Variants in NOSTRIN observed in about 807,000 individuals in gnomAD.
NOSTRIN encodes nitric oxide synthase trafficking, also known as BM247 homolog.
In NOSTRIN, 63 loss-of-function variants were observed where a neutral mutation model predicts 59.0. That is an observed-to-expected ratio of 1.07 (90% confidence interval 0.87 to 1.32). The LOEUF (loss-of-function observed/expected upper bound fraction) is 1.32, where lower values mean the gene tolerates loss of function less well. NOSTRIN is among the 40% of genes most tolerant of loss of function. The pLI, the probability that NOSTRIN is intolerant of heterozygous loss-of-function variation, is 0.00. For synonymous variants in NOSTRIN, 200 were observed against 165.4 expected (o/e 1.21, Z -1.61); for missense variants, 512 against 473.1 (o/e 1.08, Z -0.76).
upstream of NOSTRIN, among the ~76,000 whole-genome samples, chr2:168,793,916 C>A (rs1173482519): frequency 1.3e-5 from 2 of 152,186 alleles, no homozygotes; most frequent in Non-Finnish European, 2.9e-5. Flanking sequence ...CTATCTCTTA[C>A]CAGCATTTTC....
intron 2 of NOSTRIN, among the ~76,000 whole-genome samples, chr2:168,812,527 C>G (rs1017212508): frequency 3.3e-5 from 5 of 152,160 alleles, no homozygotes; most frequent in Non-Finnish European, 1.5e-5. Context: ...TTAATACATG[C>G]TATACCCATC....
intron 8 of NOSTRIN, among the ~76,000 whole-genome samples, chr2:168,846,194 G>T (rs887737683): frequency 6.6e-6 from 1 of 152,130 alleles, no homozygotes; most frequent in Non-Finnish European, 1.5e-5. Context: ...TGGCACTCAA[G>T]TGTCAAATGT....
chr2:168,826,157 G>A (rs1236629611), intron 3 of NOSTRIN, among the ~76,000 whole-genome samples: 11 of 152,160 alleles, frequency 7.2e-5, no homozygotes, highest in Admixed American at 7.2e-4. Context: ...AGAGTACCTG[G>A]CAGGGAACGA....
chr2:168,843,575 CACAT>C (rs1688222329), intron 8 of NOSTRIN, among the ~76,000 whole-genome samples: 1 of 151,878 alleles, frequency 6.6e-6, no homozygotes, highest in African/African-American at 2.4e-5. Flanking sequence ...CAAAAGTAGA[CACAT>C]AAAGAAGGAA....
chr2:168,795,949 AC>A (rs1178975957), upstream of NOSTRIN, among the ~76,000 whole-genome samples: 2 of 152,204 alleles, frequency 1.3e-5, no homozygotes, highest in African/African-American at 4.8e-5. Context: ...AAAGGCCGAA[AC>A]CCTTAAAAAA....
chr2:168,856,868 C>A, intron 12 of NOSTRIN, 90 bp downstream of exon 12: 1 of 1,208,952 alleles, frequency 8.3e-7, no homozygotes, highest in Non-Finnish European at 1.2e-6. Flanking sequence ...GCCTTGTTTG[C>A]CTTTCCTTTC....
chr2:168,855,468 A>G lies in NOSTRIN; in HGVS notation c.964+8A>G. 1 of 1,523,922 alleles carries G rather than the reference A, an allele frequency of 6.6e-7. No individual in the cohort carries two copies. Among genetic ancestry groups the G allele is most frequent in the Non-Finnish European group, 9.1e-7 (1 of 1,101,666 alleles). The allele number at this position is 1,523,922 out of a possible 1,614,324, so 94.4% of individuals were successfully genotyped here. A position where few individuals can be genotyped will look rare whatever the true frequency, so the allele number is the denominator to read the frequency against. ...CCTCAAAAGACAAGGAAGGTGTGTA[A>G]CCATCTCTTTGAATGGCCAGAAAAG... On this transcript the variant is annotated splice_region_variant and intron_variant, in intron 11 of 15. Transcript: ENST00000317647.
chr2:168,845,624 C>T (rs1269938059), intron 8 of NOSTRIN, among the ~76,000 whole-genome samples: 1 of 152,158 alleles, frequency 6.6e-6, no homozygotes, highest in Non-Finnish European at 1.5e-5. Flanking sequence ...AACCACCACT[C>T]CCCCTTCTCA....
At chr2:168,847,442 A>G (rs1260055971) in intron 8 of NOSTRIN, among the ~76,000 whole-genome samples, 1 of 152,220 alleles carries the variant, frequency 6.6e-6, no homozygotes, top group Non-Finnish European at 1.5e-5. Context: ...ATGATTATAA[A>G]GAGGGGTCTA....
intron 7 of NOSTRIN, 91 bp from the exon 8 acceptor site, chr2:168,842,901 A>G (rs867732333): frequency 2.5e-6 from 2 of 788,002 alleles, no homozygotes; most frequent in Admixed American, 2.0e-5. Context: ...TGAGAAACAT[A>G]TCATTGAGCC....
In NOSTRIN at chr2:168,850,193, A is replaced by G. The variant is rs149172019; in HGVS notation, c.631-891A>G. On this transcript the variant is annotated intron_variant, in intron 8 of 15. Transcript: ENST00000317647. ...CTCCCAACGTGCTGGGATTATAGGCATGAGCCACTGTGCCCGGCCTCTAAA... is the reference window on the plus strand; with the variant it reads ...CTCCCAACGTGCTGGGATTATAGGCGTGAGCCACTGTGCCCGGCCTCTAAA... Among the ~76,000 whole-genome samples, 603 of 152,256 alleles carry G rather than the reference A, an allele frequency of 4.0e-3. 3 individuals are homozygous for G. Among genetic ancestry groups the G allele is most frequent in the African/African-American group, 0.013 (561 of 41,556 alleles).
At chr2:168,845,068 G>A (rs1217097694) in intron 8 of NOSTRIN, among the ~76,000 whole-genome samples, 4 of 134,768 alleles carry the variant, frequency 3.0e-5, no homozygotes, top group African/African-American at 9.1e-5. Flanking sequence ...GAAAACTTGG[G>A]TCAAAGAGGG....
At chr2:168,829,817 C>A (rs1273380382) in intron 5 of NOSTRIN, among the ~76,000 whole-genome samples, 1 of 151,956 alleles carries the variant, frequency 6.6e-6, no homozygotes, top group Non-Finnish European at 1.5e-5. Flanking sequence ...GGTAGGTGGT[C>A]CCTGTGAAGG....
chr2:168,834,121 A>G (rs1687533324), intron 6 of NOSTRIN, 106 bp from the exon 7 acceptor site: 1 of 657,350 alleles, frequency 1.5e-6, no homozygotes, highest in Non-Finnish European at 2.7e-6. Flanking sequence ...AGGATACATA[A>G]TTGTTAAAGC....
chr2:168,846,373 C>T (rs180965597), intron 8 of NOSTRIN, among the ~76,000 whole-genome samples: 76 of 152,208 alleles, frequency 5.0e-4, no homozygotes, highest in African/African-American at 1.7e-3. Flanking sequence ...ATTTTAGGGT[C>T]CTACGAAGTG....
At chr2:168,834,503 G>A (rs56960331) in intron 7 of NOSTRIN, among the ~76,000 whole-genome samples, 178 bp downstream of exon 7, 65,191 of 118,950 alleles carry the variant, frequency 0.55, 15,996 homozygotes, top group South Asian at 0.71. Flanking sequence ...GCGCGCGCGC[G>A]CGCGCACACA....
At chr2:168,806,156 C>T (rs1366984872) in intron 1 of NOSTRIN, among the ~76,000 whole-genome samples, 1 of 152,118 alleles carries the variant, frequency 6.6e-6, no homozygotes, top group East Asian at 1.9e-4. Context: ...TCAGAACTCA[C>T]ATGATATCAG....
chr2:168,843,208 T>C, intron 8 of NOSTRIN, 91 bp downstream of exon 8: 2 of 744,070 alleles, frequency 2.7e-6, no homozygotes, highest in East Asian at 2.5e-5. Flanking sequence ...AGACCTGCCC[T>C]CTGTCTTAGC....
intron 6 of NOSTRIN, among the ~76,000 whole-genome samples, chr2:168,832,058 G>C (rs1225210047): frequency 1.3e-5 from 2 of 152,162 alleles, no homozygotes; most frequent in Non-Finnish European, 2.9e-5. Flanking sequence ...TACATCATTA[G>C]TGAGAGTGGC....
Sources: allele counts gnomAD v4.1 joint callset (sites outside exome capture counted in the v4.1 genomes callset), GRCh38; gene constraint gnomAD v4.1.1; transcripts MANE v1.5; gene names NCBI Gene and HGNC (gene_info 2026-07-23, HGNC 2026-07-21).